Variants in PANK3 observed in about 807,000 individuals in gnomAD.
PANK3 encodes the protein pantothenate kinase 3.
In PANK3, 20 loss-of-function variants were observed where a neutral mutation model predicts 39.4. That is an observed-to-expected ratio of 0.51 (90% CI 0.36 to 0.74). PANK3 has a LOEUF of 0.74. PANK3 is among the 30% of genes least tolerant of loss of function. The pLI, the probability that PANK3 is intolerant of heterozygous loss-of-function variation, is 0.00. For synonymous variants in PANK3, 140 were observed against 157.3 expected (o/e 0.89, Z 0.82); for missense variants, 265 against 437.0 (o/e 0.61, Z 3.51).
chr5:168,549,237 C>T lies in PANK3; in HGVS notation c.*8334G>A, dbSNP rs1339158757. 1.3e-5 allele frequency: 2 copies of T among 152,048 alleles called. No individual in the cohort carries two copies. Among genetic ancestry groups the T allele is most frequent in the Non-Finnish European group, 2.9e-5 (2 of 68,004 alleles). 9.4% of individuals were successfully genotyped at this position (152,048 alleles called of 1,614,324 possible). ...ATTGGTGTTACTTCTATAAAGTTAC[C>T]TTCTGTTTCTAAATGCTGTAAACTA... On this transcript the variant is annotated 3_prime_UTR_variant, in exon 7 of 7. Coordinates refer to ENST00000239231, the MANE Select transcript of PANK3 (RefSeq NM_024594.4).
rs753838223 is a variant in PANK3 at position 168,557,550 on chromosome 5, CAG to C, written c.*19_*20del. On this transcript the variant is annotated 3_prime_UTR_variant, in exon 7 of 7. Transcript: ENST00000239231. The stretch of plus-strand genomic sequence containing the variant: ...GTTCCTCTTGGATGACATTTATTAG[CAG>C]AGAGAGAGACCTGATGCTTTAGCTG... 22 of 1,606,630 alleles carry C rather than the reference CAG, an allele frequency of 1.4e-5. No homozygotes were observed. Among genetic ancestry groups the C allele is most frequent in the South Asian group, 5.5e-5 (5 of 90,730 alleles).
At chr5:168,570,126 T>C (rs1452572749) in intron 1 of PANK3, among the ~76,000 whole-genome samples, 3 of 151,994 alleles carry the variant, frequency 2.0e-5, no homozygotes, top group Admixed American at 2.0e-4. Flanking sequence ...CTTACGCCTG[T>C]GATCCCAGCA....
chr5:168,564,193 T>C, intron 3 of PANK3, 128 bp from the exon 4 acceptor site: 1 of 773,506 alleles, frequency 1.3e-6, no homozygotes, highest in Non-Finnish European at 1.9e-6. Flanking sequence ...TGCTGAGTGC[T>C]GAAATAACAT....
At position 168,566,174 on chromosome 5, in the gene PANK3, G is replaced by A. The variant is rs368980213; in HGVS notation, c.474C>T (p.Ala158=). ...AGGCATTAGCAAAATAATAGCACTC[G>A]GCTTGTCCATTGAAACTGACAGAGT... is the stretch of plus-strand genomic sequence containing the variant. The part of the protein sequence containing the change: ...YIDSVSFNGQ[A]ECYYFANASE... The change falls in exon 3 of 7, where the codon GCC becomes GCT. Residue 158 remains alanine (A), a synonymous_variant. Transcript: ENST00000239231. 104 of 1,613,742 alleles carry A rather than the reference G, an allele frequency of 6.4e-5. No homozygotes were observed. Among genetic ancestry groups the A allele is most frequent in the Middle Eastern group, 1.6e-4 (1 of 6,084 alleles).
intron 1 of PANK3, among the ~76,000 whole-genome samples, chr5:168,573,316 C>T (rs150165195): frequency 5.7e-4 from 84 of 148,380 alleles, no homozygotes; most frequent in Middle Eastern, 3.4e-3. Context: ...CCACCTTTTA[C>T]ACTGAAATCC....
chr5:168,573,416 CAAAAAAAAAAAAA>C (rs574960925), intron 1 of PANK3, among the ~76,000 whole-genome samples: 9 of 16,950 alleles, frequency 5.3e-4, no homozygotes, highest in South Asian at 2.9e-3. Context: ...CTCAGCAAGG[CAAAAAAAAAAAAA>C]AAAAAAAAAA....
intron 1 of PANK3, among the ~76,000 whole-genome samples, chr5:168,576,875 T>C (rs932213419): frequency 6.8e-6 from 1 of 146,260 alleles, no homozygotes; most frequent in Non-Finnish European, 1.5e-5. Flanking sequence ...ATAATATTAA[T>C]ATTATTATTA....
chr5:168,577,316 C>A (rs539589454), intron 1 of PANK3, among the ~76,000 whole-genome samples: 1 of 152,182 alleles, frequency 6.6e-6, no homozygotes, highest in East Asian at 1.9e-4. Context: ...GCTTCTACAC[C>A]ATAGTAACTG....
rs939360473 is a variant in PANK3, at chr5:168,556,024, G to T, written c.*1547C>A. On this transcript the variant is annotated 3_prime_UTR_variant, in exon 7 of 7. Transcript: ENST00000239231. ...GTACATAAATAACATTGCCTCTGCT[G>T]AGTGGAATTTGCATTCGTTACTTCA... 3.9e-5 allele frequency: 6 copies of T among 152,216 alleles called. No individual in the cohort carries two copies. The highest frequency in any genetic ancestry group is 1.4e-4 in the African/African-American group (6 of 41,446). 9.4% of individuals were successfully genotyped at this position (152,216 alleles called of 1,614,324 possible). A position where few individuals can be genotyped will look rare whatever the true frequency, so the allele number is the denominator to read the frequency against.
intron 1 of PANK3, among the ~76,000 whole-genome samples, chr5:168,577,676 C>T (rs1759750326): frequency 6.6e-6 from 1 of 152,158 alleles, no homozygotes; most frequent in South Asian, 2.1e-4. Context: ...TTTATAATCT[C>T]TCCTAAAACA....
chr5:168,554,317 C>T lies in PANK3; in HGVS notation c.*3254G>A, dbSNP rs1759317381. ...TTTAAAGAGCTTAAAAAATTGTTTA[C>T]ATTACACAAGGTAAGTATCACTATG... On this transcript the variant is annotated 3_prime_UTR_variant, in exon 7 of 7. Transcript: ENST00000239231. The T allele has an allele frequency of 6.6e-6, 1 of 152,174 alleles. No homozygotes were observed. The highest frequency in any genetic ancestry group is 6.5e-5 in the Admixed American group (1 of 15,276). The allele number at this position is 152,174 out of a possible 1,614,324, so 9.4% of individuals were successfully genotyped here. A position where few individuals can be genotyped will look rare whatever the true frequency, so the allele number is the denominator to read the frequency against.
chr5:168,565,867 AAAT>A, intron 3 of PANK3, 143 bp downstream of exon 3: 2 of 176,266 alleles, frequency 1.1e-5, no homozygotes, highest in Non-Finnish European at 1.9e-5. Context: ...TAAAAAAAAA[AAAT>A]ATATATATAT....
chr5:168,564,134 G>T, intron 3 of PANK3, 69 bp from the exon 4 acceptor site: 1 of 1,301,528 alleles, frequency 7.7e-7, no homozygotes, highest in Non-Finnish European at 1.0e-6. Flanking sequence ...GTAAAAGGGT[G>T]GATCATTCAT....
chr5:168,578,815 G>C (rs1400773567), intron 1 of PANK3: 3 of 159,784 alleles, frequency 1.9e-5, no homozygotes, highest in African/African-American at 7.2e-5. Flanking sequence ...TGTAACAACA[G>C]TGACAACTCC....
rs1458169274 is a variant in PANK3, at chr5:168,553,855, T to C, written c.*3716A>G. 1 of 152,390 alleles carries C rather than the reference T, an allele frequency of 6.6e-6. No homozygotes were observed. Among genetic ancestry groups the C allele is most frequent in the Non-Finnish European group, 1.5e-5 (1 of 68,182 alleles). The allele number at this position is 152,390 out of a possible 1,614,324, so 9.4% of individuals were successfully genotyped here. ...ATCTCTGCATTCTTGCTTTACCACA[T>C]TTATCTCAGGCCCAAACTTAGTTAT... On this transcript the variant is annotated 3_prime_UTR_variant, in exon 7 of 7. Transcript: ENST00000239231.
chr5:168,563,395 T>C (rs969697319), intron 4 of PANK3, among the ~76,000 whole-genome samples: 2 of 152,172 alleles, frequency 1.3e-5, no homozygotes, highest in Non-Finnish European at 2.9e-5. Context: ...AAGTTAGCAC[T>C]CTACTGGTGA....
chr5:168,566,149 A>T lies in PANK3; in HGVS notation c.499T>A (p.Ser167Thr), dbSNP rs201133604. ...QAECYYFANA[S>T]EPERCQKMPF... ...ATCTTTTGGCATCGCTCAGGTTCTG[A>T]GGCATTAGCAAAATAATAGCACTCG... The change falls in exon 3 of 7, where the codon TCA (serine) becomes ACA (threonine). Residue 167 changes from serine to threonine, a missense_variant. Transcript: ENST00000239231. The T allele has an allele frequency of 6.2e-7, 1 of 1,614,010 alleles. No individual in the cohort carries two copies. Among genetic ancestry groups the T allele is most frequent in the Non-Finnish European group, 8.5e-7 (1 of 1,180,006 alleles).
chr5:168,573,141 A>C (rs188051607), intron 1 of PANK3, among the ~76,000 whole-genome samples: 2 of 152,222 alleles, frequency 1.3e-5, no homozygotes, highest in African/African-American at 4.8e-5. Context: ...ACTTCATAGG[A>C]ACCATAATAT....
At chr5:168,567,649 CA>C (rs1759558124) in intron 2 of PANK3, among the ~76,000 whole-genome samples, 1 of 152,164 alleles carries the variant, frequency 6.6e-6, no homozygotes, top group Non-Finnish European at 1.5e-5. Flanking sequence ...GACAGGGTCT[CA>C]CTGTCACCCA....
Sources: allele counts gnomAD v4.1 joint callset (sites outside exome capture counted in the v4.1 genomes callset), GRCh38; gene constraint gnomAD v4.1.1; transcripts MANE v1.5; gene names NCBI Gene and HGNC (gene_info 2026-07-23, HGNC 2026-07-21).